Variants in ANKS1A observed in about 807,000 individuals in gnomAD.
ANKS1A encodes ankyrin repeat and SAM domain-containing protein 1A.
A neutral mutation model predicts 120.3 loss-of-function variants in ANKS1A; 55 were observed. The ratio of observed to expected loss-of-function variants is 0.46; its 90% confidence interval spans 0.37 to 0.57. ANKS1A has a LOEUF of 0.57. Ranked by LOEUF, ANKS1A falls within the 20% of genes least tolerant of loss-of-function variation. ANKS1A has a pLI of 0.00. For synonymous variants in ANKS1A, 590 were observed against 604.7 expected (o/e 0.98, Z 0.36); for missense variants, 1,123 against 1,480.3 (o/e 0.76, Z 3.96).
chr6:35,083,399 AC>A lies in ANKS1A; in HGVS notation c.2908-14del, dbSNP rs1777792474. ...CCTGAGAAGGGGCACTGACAGGGCC[AC>A]CCCTTGTTTCCTGTAGAAATCTACG... On this transcript the variant is annotated splice_polypyrimidine_tract_variant and intron_variant, in intron 19 of 23. Coordinates refer to ENST00000360359, the MANE Select transcript of ANKS1A (RefSeq NM_015245.3). 1 of 1,612,586 alleles carries A rather than the reference AC, an allele frequency of 6.2e-7. No individual in the cohort carries two copies. Among genetic ancestry groups the A allele is most frequent in the African/African-American group, 1.3e-5 (1 of 74,864 alleles).
At chr6:35,022,244 C>T (rs1000964596) in intron 11 of ANKS1A, among the ~76,000 whole-genome samples, 6 of 152,218 alleles carry the variant, frequency 3.9e-5, no homozygotes, top group African/African-American at 1.4e-4. Flanking sequence ...GAGAAATCTA[C>T]AGCCTTCTCT....
At chr6:35,052,507 G>A (rs114007046) in intron 11 of ANKS1A, among the ~76,000 whole-genome samples, 182 of 147,798 alleles carry the variant, frequency 1.2e-3, no homozygotes, top group African/African-American at 4.1e-3. Flanking sequence ...ACCTGTCGTC[G>A]TCGTCTTAGC....
At chr6:35,041,443 C>T (rs185685711) in intron 11 of ANKS1A, among the ~76,000 whole-genome samples, 1 of 152,322 alleles carries the variant, frequency 6.6e-6, no homozygotes, top group Admixed American at 6.5e-5. Context: ...ACCATCTTTT[C>T]TGCCTTTCCT....
At chr6:34,950,313 G>A (rs577451719) in intron 1 of ANKS1A, among the ~76,000 whole-genome samples, 177 of 138,724 alleles carry the variant, frequency 1.3e-3, no homozygotes, top group African/African-American at 3.3e-3. Context: ...TGGAACCTCC[G>A]TCTCCCTGGT....
At chr6:34,928,958 A>G (rs760450926) in intron 1 of ANKS1A, among the ~76,000 whole-genome samples, 1 of 152,178 alleles carries the variant, frequency 6.6e-6, no homozygotes, top group Non-Finnish European at 1.5e-5. Flanking sequence ...TATACTAGCT[A>G]TGCACCTTTG....
chr6:35,000,927 G>T (rs1023311018), intron 10 of ANKS1A, among the ~76,000 whole-genome samples: 27 of 152,086 alleles, frequency 1.8e-4, no homozygotes, highest in Non-Finnish European at 1.5e-5. Context: ...AAGTTAAAAA[G>T]GTATCATTCA....
At chr6:35,077,172 T>C (rs867673530) in intron 13 of ANKS1A, among the ~76,000 whole-genome samples, 26 of 152,176 alleles carry the variant, frequency 1.7e-4, no homozygotes, top group African/African-American at 6.3e-4. Context: ...GAGCTGTCAG[T>C]GTTAAGGCAC....
At chr6:35,059,283 G>A (rs1044592998) in intron 12 of ANKS1A, among the ~76,000 whole-genome samples, 4 of 152,340 alleles carry the variant, frequency 2.6e-5, no homozygotes, top group African/African-American at 2.4e-5. Context: ...GCTGTGGATC[G>A]GGCTCCTGGC....
intron 1 of ANKS1A, among the ~76,000 whole-genome samples, chr6:34,904,615 C>T (rs1767546142): frequency 6.6e-6 from 1 of 152,048 alleles, no homozygotes; most frequent in Non-Finnish European, 1.5e-5. Flanking sequence ...GCCTGCAGTC[C>T]CAGCTACTTG....
intron 1 of ANKS1A, among the ~76,000 whole-genome samples, chr6:34,895,038 G>A (rs2127441848): frequency 6.6e-6 from 1 of 152,196 alleles, no homozygotes; most frequent in South Asian, 2.1e-4. Flanking sequence ...AATTTCCCAA[G>A]ATGTGAAAAT....
chr6:34,924,726 G>A (rs901084862), intron 1 of ANKS1A, among the ~76,000 whole-genome samples: 1 of 152,144 alleles, frequency 6.6e-6, no homozygotes, highest in South Asian at 2.1e-4. Context: ...AACAAGCATC[G>A]GAATATTCAA....
At chr6:34,936,414 G>C (rs1352289261) in intron 1 of ANKS1A, among the ~76,000 whole-genome samples, 2 of 152,194 alleles carry the variant, frequency 1.3e-5, no homozygotes, top group Non-Finnish European at 2.9e-5. Flanking sequence ...TGACTGTCAA[G>C]CGGAAGCTGG....
rs957852003 is a variant in ANKS1A, at chr6:34,889,287, G to C, written c.-116G>C. 4.9e-5 allele frequency: 59 copies of C among 1,207,998 alleles called. 1 individual carries two copies. Among genetic ancestry groups the C allele is most frequent in the Non-Finnish European group, 5.9e-5 (57 of 970,162 alleles). The allele number at this position is 1,207,998 out of a possible 1,614,324, so 74.8% of individuals were successfully genotyped here. A position where few individuals can be genotyped will look rare whatever the true frequency, so the allele number is the denominator to read the frequency against. On this transcript the variant is annotated 5_prime_UTR_variant, in exon 1 of 24. Transcript: ENST00000360359. This position sits in a 1 kb window ranked among gnomAD's most constrained non-coding sequence, Gnocchi z 5.5. ...CGCTCGTGGGGAAAAGGCAGGGAGG[G>C]GGTGGTGTCCCCAGCCGGTTTGGGG... is the stretch of plus-strand genomic sequence containing the variant.
At chr6:34,957,442 A>G (rs1035221011) in intron 1 of ANKS1A, among the ~76,000 whole-genome samples, 2 of 152,210 alleles carry the variant, frequency 1.3e-5, no homozygotes, top group African/African-American at 4.8e-5. Context: ...TCTAAATTAG[A>G]CTGATTTGAG....
At chr6:34,912,445 A>C (rs1767950678) in intron 1 of ANKS1A, among the ~76,000 whole-genome samples, 1 of 152,072 alleles carries the variant, frequency 6.6e-6, no homozygotes, top group Non-Finnish European at 1.5e-5. Context: ...ATCCAACCTC[A>C]ACCTCAGTAG....
At chr6:34,893,060 C>T (rs575667248) in intron 1 of ANKS1A, among the ~76,000 whole-genome samples, 1 of 152,330 alleles carries the variant, frequency 6.6e-6, no homozygotes, top group South Asian at 2.1e-4. Context: ...TCACATTCCA[C>T]TGCCACCACT....
downstream of ANKS1A, chr6:35,091,526 A>AGAT (rs148412079): frequency 3.5e-3 from 2,334 of 662,434 alleles, 46 homozygotes; most frequent in African/African-American, 0.042. Context: ...CGTTTGGCTG[A>AGAT]GATGACGACA....
At chr6:35,077,683 C>T (rs1777441895) in intron 13 of ANKS1A, among the ~76,000 whole-genome samples, 1 of 152,164 alleles carries the variant, frequency 6.6e-6, no homozygotes, top group Admixed American at 6.5e-5. Flanking sequence ...GGGCCAGGAG[C>T]GTGAAGGAGA....
At chr6:35,059,641 G>A (rs565239647) in intron 12 of ANKS1A, among the ~76,000 whole-genome samples, 28 of 152,294 alleles carry the variant, frequency 1.8e-4, no homozygotes, top group African/African-American at 6.3e-4. Flanking sequence ...ATGCTGCAAG[G>A]TCGCAGAACT....
Sources: gnomAD v4.1 joint callset for allele counts (sites outside exome capture counted in the v4.1 genomes callset) on GRCh38, gnomAD v4.1.1 for gene constraint, Gnocchi (gnomAD v3.1) non-coding constraint, MANE v1.5 for transcripts, NCBI Gene and HGNC (gene_info 2026-07-23, HGNC 2026-07-21) for gene names.